Variants in FGD3 observed in about 807,000 individuals in gnomAD.
The protein encoded by FGD3 is FYVE, RhoGEF and PH domain containing 3, also known as FYVE, RhoGEF and PH domain-containing protein 3.
FGD3 carries 45 observed loss-of-function variants against 71.8 expected under a neutral mutation model. The observed-to-expected ratio is 0.63, with a 90% CI of 0.49 to 0.80. FGD3 has a LOEUF of 0.80. FGD3 is among the 30% of genes least tolerant of loss of function. The probability of loss-of-function intolerance (pLI) is 0.00; values close to 1 mark genes in which losing one functional copy is unlikely to be tolerated. For synonymous variants in FGD3, 378 were observed against 392.8 expected, an observed-to-expected ratio of 0.96 and a Z score of 0.44; for missense variants, 844 against 951.5, an observed-to-expected ratio of 0.89 and a Z score of 1.49.
At chr9:93,015,931 C>A in intron 10 of FGD3, 102 bp downstream of exon 10, 2 of 988,932 alleles carry the variant, frequency 2.0e-6, no homozygotes, top group Non-Finnish European at 3.2e-6. Context: ...CTCTGTGCAG[C>A]CTGGCACCCC....
intron 3 of FGD3, among the ~76,000 whole-genome samples, chr9:92,979,578 G>A (rs911567345): frequency 6.6e-6 from 1 of 152,048 alleles, no homozygotes; most frequent in African/African-American, 2.4e-5. Context: ...TTCCTGTATC[G>A]TCTTTATATG....
At chr9:93,016,838 G>A (rs569956760) in intron 10 of FGD3, among the ~76,000 whole-genome samples, 2 of 151,644 alleles carry the variant, frequency 1.3e-5, no homozygotes, top group South Asian at 4.2e-4. Flanking sequence ...GGTCAGGCTG[G>A]TCTCAAACTC....
chr9:92,964,061 T>G (rs1859228112), intron 1 of FGD3: 1 of 152,418 alleles, frequency 6.6e-6, no homozygotes, highest in Non-Finnish European at 1.5e-5. Flanking sequence ...GGGTCCTCTG[T>G]GAGCAGCCCT....
intron 1 of FGD3, among the ~76,000 whole-genome samples, chr9:92,964,927 C>T (rs1399011116): frequency 6.6e-6 from 1 of 152,222 alleles, no homozygotes; most frequent in Non-Finnish European, 1.5e-5. Context: ...CAGAAGCTTC[C>T]TCTGCACTCT....
At chr9:92,972,137 T>G (rs1859560734) in intron 1 of FGD3, among the ~76,000 whole-genome samples, 1 of 151,950 alleles carries the variant, frequency 6.6e-6, no homozygotes, top group Non-Finnish European at 1.5e-5. Context: ...CTGTATTCTA[T>G]TCCCTTTTTA....
chr9:92,962,691 A>G (rs1859192303), intron 1 of FGD3, among the ~76,000 whole-genome samples: 1 of 152,236 alleles, frequency 6.6e-6, no homozygotes, highest in African/African-American at 2.4e-5. Flanking sequence ...CTGTAATCCC[A>G]GCACTTTAGG....
intron 1 of FGD3, among the ~76,000 whole-genome samples, chr9:92,962,684 T>C (rs563362091): frequency 2.0e-5 from 3 of 152,256 alleles, no homozygotes; most frequent in Admixed American, 6.5e-5. Flanking sequence ...CTCATGCCTG[T>C]AATCCCAGCA....
chr9:93,010,698 GAC>G (rs1180198323), intron 7 of FGD3, among the ~76,000 whole-genome samples: 2 of 105,154 alleles, frequency 1.9e-5, no homozygotes, highest in African/African-American at 4.2e-5. Flanking sequence ...AGGAGAGAGA[GAC>G]ACACAGAGAC....
chr9:93,016,290 G>T (rs979514312), intron 10 of FGD3, among the ~76,000 whole-genome samples: 10 of 152,064 alleles, frequency 6.6e-5, no homozygotes, highest in Admixed American at 3.9e-4. Context: ...CCGGAGCCGG[G>T]GGGAGGGTTC....
intron 1 of FGD3, among the ~76,000 whole-genome samples, chr9:92,966,974 TG>T (rs911993891): frequency 1.2e-4 from 18 of 150,040 alleles, no homozygotes; most frequent in South Asian, 1.0e-3. Flanking sequence ...TTTTTTTTTT[TG>T]GGGGGGGATG....
At position 92,976,212 on chromosome 9, in the gene FGD3, C is replaced by T. The variant is rs745985572; in HGVS notation, c.-45C>T. 15 of 1,464,326 alleles carry T rather than the reference C, an allele frequency of 1.0e-5. No individual in the cohort carries two copies. The East Asian group carries it at 3.0e-4, about 29-fold the overall frequency. 90.7% of individuals were successfully genotyped at this position (1,464,326 alleles called of 1,614,324 possible). A position where few individuals can be genotyped will look rare whatever the true frequency, so the allele number is the denominator to read the frequency against. The stretch of plus-strand genomic sequence containing the variant: ...TGGCTTGTTTCTCCCCTACAGGAAG[C>T]CCCTGGCCAGCCTCCACCTGAGCCC... On this transcript the variant is annotated 5_prime_UTR_variant, in exon 3 of 18. Transcript: ENST00000375482.
chr9:93,015,106 C>T (rs1452357084), intron 9 of FGD3, among the ~76,000 whole-genome samples: 1 of 152,148 alleles, frequency 6.6e-6, no homozygotes, highest in Non-Finnish European at 1.5e-5. Flanking sequence ...CTTTAGCTCA[C>T]CATGTGGGTT....
In FGD3 at chr9:93,003,044, G is replaced by A; in HGVS notation, c.543+30G>A. The stretch of plus-strand genomic sequence containing the variant: ...CCCACATGGCTTGGGGGCAGTTTCA[G>A]TATCTCTTAGCATTGGCTGGGCATT... On this transcript the variant is annotated intron_variant, in intron 4 of 17. Coordinates refer to ENST00000375482, the MANE Select transcript of FGD3 (RefSeq NM_001083536.2). This position sits in a 1 kb window ranked among gnomAD's most constrained non-coding sequence, Gnocchi z 4.1. 1 of 1,596,680 alleles carries A rather than the reference G, an allele frequency of 6.3e-7. No individual in the cohort carries two copies.
intron 1 of FGD3, among the ~76,000 whole-genome samples, chr9:92,967,602 G>C (rs2118538020): frequency 6.6e-6 from 1 of 152,276 alleles, no homozygotes; most frequent in African/African-American, 2.4e-5. Context: ...ATGAGATGGA[G>C]TCTCACTCTG....
rs925190864 is a variant in FGD3 at position 92,976,787 on chromosome 9, C to A, written c.453+78C>A. The A allele has an allele frequency of 1.7e-5, 24 of 1,376,808 alleles. 1 individual carries two copies. In the African/African-American group the frequency reaches 2.6e-4, roughly 15 times the overall value. 85.3% of individuals were successfully genotyped at this position (1,376,808 alleles called of 1,614,324 possible). On this transcript the variant is annotated intron_variant, in intron 3 of 17. Transcript: ENST00000375482. Reference sequence around the variant, plus strand: ...GGGGTTTGAGATTTTCAGTGGGCGTCATCCCACACCTTGTTTCCAGGAATG... The same window carrying A: ...GGGGTTTGAGATTTTCAGTGGGCGTAATCCCACACCTTGTTTCCAGGAATG...
chr9:92,956,528 A>G (rs1859052984), intron 1 of FGD3, among the ~76,000 whole-genome samples: 1 of 152,248 alleles, frequency 6.6e-6, no homozygotes, highest in African/African-American at 2.4e-5. Context: ...AGGGACAACC[A>G]CGTGAGGACA....
chr9:93,034,680 A>T lies in FGD3; in HGVS notation c.1925A>T (p.Gln642Leu), dbSNP rs754883521. 1.9e-6 allele frequency: 3 copies of T among 1,612,298 alleles called. No individual in the cohort carries two copies. In the Admixed American group the frequency reaches 5.0e-5, roughly 27 times the overall value. Residue 642 changes from glutamine to leucine, a missense_variant and splice_region_variant, in exon 17 of 18, where the codon CAG becomes CTG. By Grantham distance (113) the Gln-to-Leu change is moderately radical (BLOSUM62 -2). Coordinates refer to ENST00000375482, the MANE Select transcript of FGD3 (RefSeq NM_001083536.2). Reference sequence around the variant, plus strand: ...GTGCTGCACCTGCAGGGAGGCAGCCAGGTACGTGTCCCCACCCCACCAGGC... The same window carrying T: ...GTGCTGCACCTGCAGGGAGGCAGCCTGGTACGTGTCCCCACCCCACCAGGC... ...PQVLHLQGGS[Q>L]DGRLPRTIPL...
chr9:92,948,510 G>A (rs1196159256), intron 1 of FGD3, among the ~76,000 whole-genome samples: 1 of 152,198 alleles, frequency 6.6e-6, no homozygotes, highest in Non-Finnish European at 1.5e-5. Flanking sequence ...CTGTGAATTA[G>A]GGCAGTTAGA....
At chr9:92,999,831 A>T (rs369625628) in intron 3 of FGD3, among the ~76,000 whole-genome samples, 17 of 152,034 alleles carry the variant, frequency 1.1e-4, no homozygotes, top group African/African-American at 3.6e-4. Context: ...TGACTTCATG[A>T]TCTCCCTGCC....
Sources: gnomAD v4.1 joint callset for allele counts (sites outside exome capture counted in the v4.1 genomes callset) on GRCh38, gnomAD v4.1.1 for gene constraint, Gnocchi (gnomAD v3.1) non-coding constraint, MANE v1.5 for transcripts, NCBI Gene and HGNC (gene_info 2026-07-23, HGNC 2026-07-21) for gene names.